TDP1: variants seen among roughly 807,000 people sequenced by gnomAD.
The protein encoded by TDP1 is tyr-DNA phosphodiesterase 1.
TDP1 carries 64 observed loss-of-function variants against 81.5 expected under a neutral mutation model. The observed-to-expected ratio is 0.79, with a 90% CI of 0.64 to 0.97. TDP1 has a LOEUF of 0.97. Among genes scored for constraint, TDP1 ranks in the 50% least tolerant of loss-of-function variants. The probability of loss-of-function intolerance (pLI) is 0.00; values close to 1 mark genes in which losing one functional copy is unlikely to be tolerated. For synonymous variants in TDP1, 256 were observed against 264.3 expected (o/e 0.97, Z 0.30); for missense variants, 723 against 743.8 (o/e 0.97, Z 0.33).
At chr14:89,967,019 A>G in intron 4 of TDP1, 1 of 984,202 alleles carries the variant, frequency 1.0e-6, no homozygotes, top group Non-Finnish European at 1.2e-6. Context: ...CACCTAGGGG[A>G]AAAGGGATAA....
In TDP1 at chr14:90,043,064, C is replaced by T; in HGVS notation, c.1754-6C>T. The T allele has an allele frequency of 6.2e-7, 1 of 1,614,104 alleles. No individual in the cohort carries two copies. The highest frequency in any genetic ancestry group is 8.5e-7 in the Non-Finnish European group (1 of 1,180,006). On this transcript the variant is annotated splice_polypyrimidine_tract_variant and splice_region_variant and intron_variant, in intron 16 of 16. Coordinates refer to ENST00000335725, the MANE Select transcript of TDP1 (RefSeq NM_018319.4). ...ATAAATATTACGTAATGTGTTTTTCCCCCAGATCGGCCATGGATATGGAAC... is the reference window on the plus strand; with the variant it reads ...ATAAATATTACGTAATGTGTTTTTCTCCCAGATCGGCCATGGATATGGAAC...
At chr14:90,022,908 C>A in intron 15 of TDP1, 1 of 779,774 alleles carries the variant, frequency 1.3e-6, no homozygotes, top group Non-Finnish European at 2.1e-6. Context: ...TCCAACGGAA[C>A]AGCCCGACGG....
chr14:90,034,567 A>G (rs1436228298), intron 16 of TDP1, among the ~76,000 whole-genome samples: 2 of 152,318 alleles, frequency 1.3e-5, no homozygotes, highest in African/African-American at 4.8e-5. Context: ...CCCTGAGAAT[A>G]TCTGTCTTTA....
At chr14:90,014,539 C>A (rs1299560598) in intron 14 of TDP1, among the ~76,000 whole-genome samples, 2 of 152,182 alleles carry the variant, frequency 1.3e-5, no homozygotes, top group Non-Finnish European at 2.9e-5. Context: ...TGTTTTATTG[C>A]AGCTGTCTGT....
At chr14:90,013,316 T>C (rs1478681956) in intron 14 of TDP1, among the ~76,000 whole-genome samples, 2 of 152,184 alleles carry the variant, frequency 1.3e-5, no homozygotes, top group Non-Finnish European at 2.9e-5. Context: ...CATCTTGAAC[T>C]GTAGCTTCCA....
chr14:89,965,150 A>G (rs1304865045), intron 3 of TDP1, among the ~76,000 whole-genome samples: 2 of 152,226 alleles, frequency 1.3e-5, no homozygotes, highest in African/African-American at 2.4e-5. Flanking sequence ...CCAATAAGGT[A>G]GAACCTTCCT....
At chr14:89,992,794 A>G (rs1367053465) in intron 13 of TDP1, among the ~76,000 whole-genome samples, 5 of 152,222 alleles carry the variant, frequency 3.3e-5, no homozygotes, top group Admixed American at 2.6e-4. Context: ...TCTTATATTC[A>G]TAAGTAAAGA....
chr14:89,971,971 A>C (rs1566856523), intron 6 of TDP1, among the ~76,000 whole-genome samples: 2 of 152,134 alleles, frequency 1.3e-5, no homozygotes, highest in Admixed American at 1.3e-4. Context: ...AGATTAAAAA[A>C]CTGTTAGGAA....
At chr14:90,011,880 A>G (rs1316033840) in intron 14 of TDP1, among the ~76,000 whole-genome samples, 3 of 152,268 alleles carry the variant, frequency 2.0e-5, no homozygotes, top group Non-Finnish European at 4.4e-5. Flanking sequence ...CCATGTTCTG[A>G]GGACTACAGA....
At chr14:90,018,910 T>C in intron 14 of TDP1, 1 of 945,342 alleles carries the variant, frequency 1.1e-6, no homozygotes, top group East Asian at 1.2e-4. Context: ...AAAGGAAATA[T>C]GAAGCTTAAG....
chr14:89,978,262 C>T (rs540081076), intron 7 of TDP1, among the ~76,000 whole-genome samples: 1 of 152,368 alleles, frequency 6.6e-6, no homozygotes, highest in Admixed American at 6.5e-5. Context: ...GTGATCCCAA[C>T]AAGCTCTTCC....
chr14:89,978,481 G>T (rs2140058184), intron 7 of TDP1, among the ~76,000 whole-genome samples: 1 of 152,352 alleles, frequency 6.6e-6, no homozygotes, highest in South Asian at 2.1e-4. Context: ...GCGCATTTGG[G>T]TTGGGTCCCT....
chr14:90,016,864 A>G (rs890943408), intron 14 of TDP1, among the ~76,000 whole-genome samples: 2 of 152,188 alleles, frequency 1.3e-5, no homozygotes, highest in African/African-American at 4.8e-5. Context: ...ATGGTAGACC[A>G]TGGGACCTCC....
chr14:89,977,150 G>A (rs1894433429), intron 7 of TDP1, among the ~76,000 whole-genome samples: 1 of 152,110 alleles, frequency 6.6e-6, no homozygotes, highest in South Asian at 2.1e-4. Flanking sequence ...GTGAGACCCT[G>A]TCTCGAAAAC....
chr14:90,012,383 C>T (rs1172067531), intron 14 of TDP1, among the ~76,000 whole-genome samples: 2 of 151,972 alleles, frequency 1.3e-5, no homozygotes, highest in East Asian at 4.0e-4. Context: ...GCCCTTCTCA[C>T]AGCTCCAGTA....
intron 14 of TDP1, among the ~76,000 whole-genome samples, chr14:90,010,012 A>G (rs949357233): frequency 5.9e-5 from 9 of 152,282 alleles, no homozygotes; most frequent in African/African-American, 2.2e-4. Flanking sequence ...CCTAAGTGAG[A>G]ACGCTAAAGC....
At chr14:90,032,274 T>C (rs1297896174) in intron 15 of TDP1, among the ~76,000 whole-genome samples, 4 of 152,126 alleles carry the variant, frequency 2.6e-5, no homozygotes. Context: ...CCTCAGTCTT[T>C]GTTCTTTTTA....
rs550209360 is a variant in TDP1, at chr14:90,040,907, G to A, written c.1754-2163G>A. On this transcript the variant is annotated intron_variant, in intron 16 of 16. Coordinates refer to ENST00000335725, the MANE Select transcript of TDP1 (RefSeq NM_018319.4). ...AGAGTTTAGTTTTTGTATTGGAAAG[G>A]CTAAAAACTCAAAAAGCAGAGCTAC... Among the ~76,000 whole-genome samples, 5 of 152,288 alleles carry A rather than the reference G, an allele frequency of 3.3e-5. No individual in the cohort carries two copies. In the East Asian group the frequency reaches 7.7e-4, roughly 24 times the overall value.
At chr14:89,958,475 G>A (rs1891935674) in intron 2 of TDP1, 1 of 152,274 alleles carries the variant, frequency 6.6e-6, no homozygotes, top group African/African-American at 2.4e-5. Context: ...TGACCCCAAG[G>A]TGGGCAGTTC....
Sources: gnomAD v4.1 joint callset for allele counts (sites outside exome capture counted in the v4.1 genomes callset) on GRCh38, gnomAD v4.1.1 for gene constraint, MANE v1.5 for transcripts, NCBI Gene and HGNC (gene_info 2026-07-23, HGNC 2026-07-21) for gene names.